Variants in GIT1 observed in about 807,000 individuals in gnomAD.
GIT1 encodes the protein GIT ArfGAP 1.
A neutral mutation model predicts 91.7 loss-of-function variants in GIT1; 14 were observed. The ratio of observed to expected loss-of-function variants is 0.15; its 90% CI spans 0.10 to 0.24. GIT1 has a LOEUF of 0.24. Among genes scored for constraint, GIT1 ranks in the 10% least tolerant of loss-of-function variants. The pLI, the probability that GIT1 is intolerant of heterozygous loss-of-function variation, is 1.00. For synonymous variants in GIT1, 414 were observed against 418.2 expected, an observed-to-expected ratio of 0.99 and a Z score of 0.12; for missense variants, 717 against 1,024.9, an observed-to-expected ratio of 0.70 and a Z score of 4.10.
At chr17:29,587,966 G>T (rs2033650675) in intron 1 of GIT1, among the ~76,000 whole-genome samples, 1 of 152,148 alleles carries the variant, frequency 6.6e-6, no homozygotes, top group South Asian at 2.1e-4. Context: ...TTTCTTAGGG[G>T]TATGGACCCT....
intron 4 of GIT1, among the ~76,000 whole-genome samples, chr17:29,582,486 G>A (rs1199267712): frequency 6.6e-6 from 1 of 152,222 alleles, no homozygotes; most frequent in Non-Finnish European, 1.5e-5. Context: ...GCAGCTGTGG[G>A]CTTCTAGCCT....
At chr17:29,585,305 C>T (rs1197073255) in intron 1 of GIT1, among the ~76,000 whole-genome samples, 1 of 152,190 alleles carries the variant, frequency 6.6e-6, no homozygotes, top group East Asian at 1.9e-4. Context: ...GGAAATGATG[C>T]AGCCCAAATT....
intron 12 of GIT1, 21 bp downstream of exon 12, chr17:29,576,842 G>A (rs777223652): frequency 2.5e-6 from 4 of 1,577,736 alleles, no homozygotes; most frequent in Non-Finnish European, 3.4e-6. Context: ...AGGGGAGTGG[G>A]AAGGAGGGTG....
rs1237050660 is a variant in GIT1 at position 29,581,213 on chromosome 17, C to T, written c.761+125G>A. 2.7e-6 allele frequency: 2 copies of T among 743,058 alleles called. No homozygotes were observed. The highest frequency in any genetic ancestry group is 2.6e-5 in the East Asian group (1 of 38,796). 46.0% of individuals were successfully genotyped at this position (743,058 alleles called of 1,614,324 possible). On this transcript the variant is annotated intron_variant, in intron 7 of 19. Transcript: ENST00000225394. The surrounding 1 kb of genome is among the most constrained non-coding windows in gnomAD (Gnocchi z 4.8). ...ATTAGGGACTGAGGACTAAGCTGTG[C>T]CTCTAGTCTCTGGGGGGAGGGAGCA...
In GIT1 at chr17:29,573,874, G is replaced by A. The variant is rs922193281; in HGVS notation, c.*828C>T. ...GTGGTTTTTGATTTAAGTTCATAGAGAAGGGGCGAGAGTGGGGAGGGATCA... is the reference window on the plus strand; with the variant it reads ...GTGGTTTTTGATTTAAGTTCATAGAAAAGGGGCGAGAGTGGGGAGGGATCA... On this transcript the variant is annotated 3_prime_UTR_variant, in exon 20 of 20. Coordinates refer to ENST00000225394, the MANE Select transcript of GIT1 (RefSeq NM_014030.4). 6.5e-6 allele frequency: 1 copy of A among 152,814 alleles called. No individual in the cohort carries two copies. Among genetic ancestry groups the A allele is most frequent in the Non-Finnish European group, 1.5e-5 (1 of 68,326 alleles). The allele number at this position is 152,814 out of a possible 1,614,324, so 9.5% of individuals were successfully genotyped here. A position where few individuals can be genotyped will look rare whatever the true frequency, so the allele number is the denominator to read the frequency against.
In GIT1 at chr17:29,579,865, G is replaced by C. The variant is rs1309757555; in HGVS notation, c.762-1086C>G. On this transcript the variant is annotated intron_variant, in intron 7 of 19. Coordinates refer to ENST00000225394, the MANE Select transcript of GIT1 (RefSeq NM_014030.4). ...AAGCAGCCTGCAAGTCACACAGCCA[G>C]TAAGCAGCAGAGATGACTTCACACT... Among the ~76,000 whole-genome samples, 7 of 152,160 alleles carry C rather than the reference G, an allele frequency of 4.6e-5. 1 individual carries two copies. The highest frequency in any genetic ancestry group is 4.6e-4 in the Admixed American group (7 of 15,274).
chr17:29,577,092 G>C, intron 11 of GIT1, 44 bp downstream of exon 11: 3 of 1,607,314 alleles, frequency 1.9e-6, no homozygotes, highest in Non-Finnish European at 2.6e-6. Flanking sequence ...AAAGACCCCT[G>C]GAGCCCCGCC....
In GIT1 at chr17:29,589,400, A is replaced by G; in HGVS notation, c.-22T>C. 1 of 1,026,774 alleles carries G rather than the reference A, an allele frequency of 9.7e-7. No individual in the cohort carries two copies. Among genetic ancestry groups the G allele is most frequent in the Non-Finnish European group, 1.2e-6 (1 of 851,362 alleles). 63.6% of individuals were successfully genotyped at this position (1,026,774 alleles called of 1,614,324 possible). On this transcript the variant is annotated 5_prime_UTR_variant, in exon 1 of 20. Coordinates refer to ENST00000225394, the MANE Select transcript of GIT1 (RefSeq NM_014030.4). This position sits in a 1 kb window ranked among gnomAD's most constrained non-coding sequence, Gnocchi z 5.2. Reference sequence around the variant, plus strand: ...ACATCCTCAGCGGCGACGCGGCCGCAGCCCTCTGGGCCAGCGTGGGGGGCG... The same window carrying G: ...ACATCCTCAGCGGCGACGCGGCCGCGGCCCTCTGGGCCAGCGTGGGGGGCG...
rs1485984121 is a variant in GIT1, at chr17:29,574,035, C to T, written c.*667G>A. On this transcript the variant is annotated 3_prime_UTR_variant, in exon 20 of 20. Coordinates refer to ENST00000225394, the MANE Select transcript of GIT1 (RefSeq NM_014030.4). ...CAAAACTCCAGATGGACCAGGCCTC[C>T]GGAACGGCACTGCCGCCCACACACT... 3 of 152,352 alleles carry T rather than the reference C, an allele frequency of 2.0e-5. No individual in the cohort carries two copies. Among genetic ancestry groups the T allele is most frequent in the African/African-American group, 2.4e-5 (1 of 41,360 alleles). The allele number at this position is 152,352 out of a possible 1,614,324, so 9.4% of individuals were successfully genotyped here.
chr17:29,582,226 TG>T, intron 4 of GIT1, 82 bp from the exon 5 acceptor site: 4 of 1,066,016 alleles, frequency 3.8e-6, no homozygotes, highest in Non-Finnish European at 4.1e-6. Flanking sequence ...TGGCTGCCCC[TG>T]GGACACCTAG....
rs759337914 is a variant in GIT1 at position 29,576,597 on chromosome 17, T to G, written c.1305A>C (p.Thr435=). Residue 435 remains threonine (T), a synonymous_variant, in exon 13 of 20, where the codon ACA becomes ACC. Transcript: ENST00000225394. ...EYLELKKALA[T]SEAKVQQLMK... is the part of the protein sequence containing the mutation. ...TGAGCTGCTGCACCTTTGCCTCCGA[T>G]GTAGCCAGGGCCTTCTTCAGCTCCA... 78 of 1,613,980 alleles carry G rather than the reference T, an allele frequency of 4.8e-5. No homozygotes were observed. In the East Asian group the frequency reaches 1.7e-3, roughly 35 times the overall value.
At position 29,581,435 on chromosome 17, in the gene GIT1, C is replaced by G. The variant is rs1476214314; in HGVS notation, c.719-55G>C. 23 of 1,372,800 alleles carry G rather than the reference C, an allele frequency of 1.7e-5. 1 individual carries two copies. The South Asian group carries it at 2.0e-4, about 12-fold the overall frequency. The allele number at this position is 1,372,800 out of a possible 1,614,324, so 85.0% of individuals were successfully genotyped here. A position where few individuals can be genotyped will look rare whatever the true frequency, so the allele number is the denominator to read the frequency against. ...CACTAGTGCTGGGTGGCCTCAGCAG[C>G]TGGGAGCCCACCTCACTGCCATGAG... On this transcript the variant is annotated intron_variant, in intron 6 of 19. Coordinates refer to ENST00000225394, the MANE Select transcript of GIT1 (RefSeq NM_014030.4). The surrounding 1 kb of genome is among the most constrained non-coding windows in gnomAD (Gnocchi z 4.8).
chr17:29,583,869 C>T, intron 1 of GIT1: 1 of 490,090 alleles, frequency 2.0e-6, no homozygotes, highest in Non-Finnish European at 3.6e-6. Context: ...TCCCCAGGGC[C>T]CATTCAGCAG....
chr17:29,582,836 T>A, intron 3 of GIT1, 33 bp from the exon 4 acceptor site: 1 of 1,586,808 alleles, frequency 6.3e-7, no homozygotes, highest in Non-Finnish European at 8.7e-7. Flanking sequence ...ATGGGGAGCA[T>A]GGTGGGAGAG....
At chr17:29,578,807 G>C in intron 7 of GIT1, 28 bp from the exon 8 acceptor site, 1 of 1,609,810 alleles carries the variant, frequency 6.2e-7, no homozygotes, top group Non-Finnish European at 8.5e-7. Flanking sequence ...TGGGAATTGG[G>C]AGGAGAGGAG....
In GIT1 at chr17:29,581,289, C is replaced by G. The variant is rs370708583; in HGVS notation, c.761+49G>C. 3 of 1,465,922 alleles carry G rather than the reference C, an allele frequency of 2.0e-6. No individual in the cohort carries two copies. The highest frequency in any genetic ancestry group is 2.9e-6 in the Non-Finnish European group (3 of 1,045,864). 90.8% of individuals were successfully genotyped at this position (1,465,922 alleles called of 1,614,324 possible). A position where few individuals can be genotyped will look rare whatever the true frequency, so the allele number is the denominator to read the frequency against. On this transcript the variant is annotated intron_variant, in intron 7 of 19. Coordinates refer to ENST00000225394, the MANE Select transcript of GIT1 (RefSeq NM_014030.4). This position sits in a 1 kb window ranked among gnomAD's most constrained non-coding sequence, Gnocchi z 4.8. ...CTGGGAGCTCTGGGGGTCAGCCACCCACATGGCATCCAACAGCCTCTGGAA... is the reference window on the plus strand; with the variant it reads ...CTGGGAGCTCTGGGGGTCAGCCACCGACATGGCATCCAACAGCCTCTGGAA...
At chr17:29,583,406 G>T in intron 2 of GIT1, 77 bp downstream of exon 2, 1 of 1,496,398 alleles carries the variant, frequency 6.7e-7, no homozygotes, top group Non-Finnish European at 9.1e-7. Context: ...GGGTGTATGT[G>T]GGTGAGGGGG....
chr17:29,585,596 T>C (rs1420628598), intron 1 of GIT1, among the ~76,000 whole-genome samples: 1 of 152,122 alleles, frequency 6.6e-6, no homozygotes, highest in African/African-American at 2.4e-5. Flanking sequence ...CCAGGTGACC[T>C]GAGAAGAATG....
At position 29,583,561 on chromosome 17, in the gene GIT1, G is replaced by A. The variant is rs774361781; in HGVS notation, c.108C>T (p.Ser36=). 8 of 1,610,126 alleles carry A rather than the reference G, an allele frequency of 5.0e-6. No homozygotes were observed. Among genetic ancestry groups the A allele is most frequent in the Middle Eastern group, 1.6e-4 (1 of 6,080 alleles). The part of the protein sequence containing the change: ...RGVLVCDECC[S]VHRSLGRHIS... Reference sequence around the variant, plus strand: ...TGTGGCGTCCCAGGCTCCGGTGCACGCTGCAGCACTCGTCACACACCAGCA... The same window carrying A: ...TGTGGCGTCCCAGGCTCCGGTGCACACTGCAGCACTCGTCACACACCAGCA... Residue 36 remains serine, a synonymous_variant, in exon 2 of 20, where the codon AGC becomes AGT. Transcript: ENST00000225394.
Sources: allele counts gnomAD v4.1 joint callset (sites outside exome capture counted in the v4.1 genomes callset), GRCh38; gene constraint gnomAD v4.1.1; non-coding constraint Gnocchi (gnomAD v3.1); transcripts MANE v1.5; gene names NCBI Gene and HGNC (gene_info 2026-07-23, HGNC 2026-07-21).